ZNF43: variants seen among roughly 807,000 people sequenced by gnomAD.
The protein encoded by ZNF43 is zinc finger protein 39-like 1 (KOX 27).
In ZNF43, 44 loss-of-function variants were observed where a neutral mutation model predicts 68.4. The ratio of observed to expected loss-of-function variants is 0.64; its 90% CI spans 0.51 to 0.83. The LOEUF (loss-of-function observed/expected upper bound fraction) is 0.83. Ranked by LOEUF, ZNF43 falls within the 40% of genes least tolerant of loss-of-function variation. The pLI, the probability that ZNF43 is intolerant of heterozygous loss-of-function variation, is 0.00. For synonymous variants in ZNF43, 308 were observed against 307.8 expected (o/e 1.00, Z -0.01); for missense variants, 896 against 933.2 (o/e 0.96, Z 0.52).
At position 21,809,613 on chromosome 19, in the gene ZNF43, G is replaced by C; in HGVS notation, c.424C>G (p.Gln142Glu). 1 of 1,611,914 alleles carries C rather than the reference G, an allele frequency of 6.2e-7. No homozygotes were observed. The highest frequency in any genetic ancestry group is 1.1e-5 in the South Asian group (1 of 90,882). The change falls in exon 4 of 4, where the codon CAG becomes GAG. Residue 142 changes from glutamine to glutamate, a missense_variant. Gln to Glu is a conservative substitution (Grantham distance 29). Transcript: ENST00000354959. Reference sequence around the variant, plus strand: ...TTATCAAATAGAAATATTTTGCTCTGGGTAGCTGGCAAACATTGGTTAAAT... The same window carrying C: ...TTATCAAATAGAAATATTTTGCTCTCGGTAGCTGGCAAACATTGGTTAAAT... ...NGFNQCLPAT[Q>E]SKIFLFDKCV...
At chr19:21,849,488 CAAAAAA>C (rs35354919) in intron 1 of ZNF43, among the ~76,000 whole-genome samples, 17 of 29,506 alleles carry the variant, frequency 5.8e-4, no homozygotes, top group Admixed American at 3.0e-3. Flanking sequence ...AACCCTGCCT[CAAAAAA>C]AAAAAAAAAA....
chr19:21,829,051 A>G (rs2038292375), intron 1 of ZNF43, among the ~76,000 whole-genome samples: 1 of 148,554 alleles, frequency 6.7e-6, no homozygotes, highest in Non-Finnish European at 1.5e-5. Flanking sequence ...AAAAAAAAAA[A>G]AAAAAAAAAA....
At chr19:21,819,300 G>A in intron 1 of ZNF43, 79 bp from the exon 2 acceptor site, 2 of 1,451,862 alleles carry the variant, frequency 1.4e-6, no homozygotes, top group South Asian at 1.6e-5. Context: ...TTTGACTCAA[G>A]GTAAAATGAG....
rs574700151 is a variant in ZNF43, at chr19:21,809,071, G to C, written c.966C>G (p.Ala322=). 3.1e-6 allele frequency: 5 copies of C among 1,607,168 alleles called. 1 individual carries two copies. The South Asian group carries it at 5.5e-5, about 18-fold the overall frequency. The change falls in exon 4 of 4, where the codon GCC becomes GCG. Residue 322 remains alanine (A), a synonymous_variant. Coordinates refer to ENST00000354959, the MANE Select transcript of ZNF43 (RefSeq NM_003423.4). Reference sequence around the variant, plus strand: ...TAGTAAGAGTTGAGGGCCAGTTAAAGGCTTTGCCACATTCTTCACATTTGT... The same window carrying C: ...TAGTAAGAGTTGAGGGCCAGTTAAACGCTTTGCCACATTCTTCACATTTGT... ...KPYKCEECGK[A]FNWPSTLTKH...
At chr19:21,850,992 G>A (rs1485998317) in intron 1 of ZNF43, 1 of 152,236 alleles carries the variant, frequency 6.6e-6, no homozygotes, top group African/African-American at 2.4e-5. Context: ...CAGGTTCCAG[G>A]TATGAGGGTC....
chr19:21,815,792 C>G (rs566460032), intron 3 of ZNF43, among the ~76,000 whole-genome samples: 45 of 152,004 alleles, frequency 3.0e-4, no homozygotes, highest in South Asian at 1.7e-3. Context: ...GGCATGGTGG[C>G]TCATGCCTGT....
rs188220326 is a variant in ZNF43, at chr19:21,809,539, T to G, written c.498A>C (p.Ile166=). 682 of 1,613,458 alleles carry G rather than the reference T, an allele frequency of 4.2e-4. 2 individuals are homozygous for G. In the East Asian group the frequency reaches 7.8e-3, roughly 18 times the overall value. Residue 166 remains isoleucine (I), a synonymous_variant, in exon 4 of 4, where the codon ATA becomes ATC. Coordinates refer to ENST00000354959, the MANE Select transcript of ZNF43 (RefSeq NM_003423.4). The part of the protein sequence containing the change: ...HKFSNSNRHK[I]SHTEKKLFKC... ...TGAAAAGTTTTTTTTCAGTATGGCT[T>G]ATCTTATGTCTGTTTGAATTTGAAA...
rs1162802233 is a variant in ZNF43 at position 21,806,038 on chromosome 19, C to T, written c.*1569G>A. 1 of 151,846 alleles carries T rather than the reference C, an allele frequency of 6.6e-6. No individual in the cohort carries two copies. Among genetic ancestry groups the T allele is most frequent in the Non-Finnish European group, 1.5e-5 (1 of 67,982 alleles). The allele number at this position is 151,846 out of a possible 1,614,324, so 9.4% of individuals were successfully genotyped here. A position where few individuals can be genotyped will look rare whatever the true frequency, so the allele number is the denominator to read the frequency against. On this transcript the variant is annotated 3_prime_UTR_variant, in exon 4 of 4. Transcript: ENST00000354959. ...AAGTAAAATGACTTACTAATTTAAC[C>T]AATTTTAACTAAAATAAAAAACTTT...
chr19:21,822,043 A>G (rs919012745), intron 1 of ZNF43, among the ~76,000 whole-genome samples: 4 of 152,234 alleles, frequency 2.6e-5, no homozygotes, highest in Non-Finnish European at 5.9e-5. Context: ...CTACCACCAC[A>G]CCCACAGGCA....
At chr19:21,829,310 T>C (rs1369670202) in intron 1 of ZNF43, among the ~76,000 whole-genome samples, 2 of 152,172 alleles carry the variant, frequency 1.3e-5, no homozygotes, top group Non-Finnish European at 2.9e-5. Context: ...GTTCTTGCTT[T>C]TGCAGTGTAA....
chr19:21,832,372 A>G (rs140015738), intron 1 of ZNF43, among the ~76,000 whole-genome samples: 4 of 152,260 alleles, frequency 2.6e-5, no homozygotes, highest in Non-Finnish European at 5.9e-5. Context: ...ATATACAAAA[A>G]TCAACTCAAA....
At chr19:21,830,554 T>TAAACCAG in intron 1 of ZNF43, among the ~76,000 whole-genome samples, 1 of 121,628 alleles carries the variant, frequency 8.2e-6, no homozygotes, top group Non-Finnish European at 1.6e-5. Context: ...CTCCAAAGAC[T>TAAACCAG]GAAAAAAAAA....
upstream of ZNF43, among the ~76,000 whole-genome samples, chr19:21,836,491 A>T (rs1470265857): frequency 6.6e-6 from 1 of 152,188 alleles, no homozygotes; most frequent in Non-Finnish European, 1.5e-5. Context: ...AAATGAAAAC[A>T]ATTGTTTTTG....
At chr19:21,821,973 A>C (rs1384968819) in intron 1 of ZNF43, among the ~76,000 whole-genome samples, 1 of 152,198 alleles carries the variant, frequency 6.6e-6, no homozygotes, top group African/African-American at 2.4e-5. Context: ...TTCTCTGGAC[A>C]AATTACACCT....
intron 1 of ZNF43, among the ~76,000 whole-genome samples, chr19:21,830,841 GAAA>G (rs2038391946): frequency 6.6e-6 from 1 of 151,918 alleles, no homozygotes. Flanking sequence ...AAAAATGATG[GAAA>G]AATTCTCAAC....
intron 1 of ZNF43, among the ~76,000 whole-genome samples, chr19:21,833,497 T>C (rs1307429433): frequency 1.3e-5 from 2 of 151,760 alleles, no homozygotes; most frequent in East Asian, 2.0e-4. Flanking sequence ...CTTGAACTCC[T>C]GACCTCAGGT....
intron 1 of ZNF43, among the ~76,000 whole-genome samples, chr19:21,820,057 A>C (rs2037721889): frequency 6.6e-6 from 1 of 151,506 alleles, no homozygotes; most frequent in South Asian, 2.1e-4. Context: ...AAATTAGCCA[A>C]GCGTGGTAGC....
intron 1 of ZNF43, among the ~76,000 whole-genome samples, chr19:21,828,804 C>A (rs1051891027): frequency 6.6e-6 from 1 of 150,420 alleles, no homozygotes; most frequent in Non-Finnish European, 1.5e-5. Context: ...GAGGCCGCAG[C>A]GAGCAGATCA....
chr19:21,843,477 G>A (rs2457785), intron 1 of ZNF43, among the ~76,000 whole-genome samples: 13,803 of 152,154 alleles, frequency 0.091, 906 homozygotes, highest in South Asian at 0.21. Flanking sequence ...TCTCTTCTGC[G>A]GACTGTGTCT....
Sources: gnomAD v4.1 joint callset for allele counts (sites outside exome capture counted in the v4.1 genomes callset) on GRCh38, gnomAD v4.1.1 for gene constraint, MANE v1.5 for transcripts, NCBI Gene and HGNC (gene_info 2026-07-23, HGNC 2026-07-21) for gene names.